Variants in MINDY2 observed in about 807,000 individuals in gnomAD.
The protein encoded by MINDY2 is ubiquitin carboxyl-terminal hydrolase MINDY-2.
Under a neutral mutation model 68.2 loss-of-function variants are expected in MINDY2, and 52 were observed. The ratio of observed to expected loss-of-function variants is 0.76; its 90% CI spans 0.61 to 0.96. The LOEUF (loss-of-function observed/expected upper bound fraction) is 0.96. Ranked by LOEUF, MINDY2 falls within the 40% of genes least tolerant of loss-of-function variation. The pLI is 0.00. For missense variants in MINDY2, 881 were observed against 773.4 expected (o/e 1.14, Z -1.65); for synonymous variants, 372 against 303.0 (o/e 1.23, Z -2.36).
chr15:58,778,829 T>C (rs1900948695), intron 1 of MINDY2, among the ~76,000 whole-genome samples: 1 of 135,564 alleles, frequency 7.4e-6, no homozygotes, highest in Non-Finnish European at 1.6e-5. Flanking sequence ...TTTTTTTTTT[T>C]TGAGACGGAA....
intron 2 of MINDY2, among the ~76,000 whole-genome samples, chr15:58,796,695 G>A (rs1902307479): frequency 6.6e-6 from 1 of 152,086 alleles, no homozygotes; most frequent in African/African-American, 2.4e-5. Flanking sequence ...GCTAATTTTT[G>A]TATTTTTCGT....
In MINDY2 at chr15:58,854,475, C is replaced by G; in HGVS notation, c.1738-7C>G. 6.2e-7 allele frequency: 1 copy of G among 1,604,342 alleles called. No individual in the cohort carries two copies. Among genetic ancestry groups the G allele is most frequent in the Non-Finnish European group, 8.5e-7 (1 of 1,176,736 alleles). ...GAGTAATTTCTTGCTGTATATTTTTCTTAAAGCAGGGCCAGCCAGCACAAG... is the reference window on the plus strand; with the variant it reads ...GAGTAATTTCTTGCTGTATATTTTTGTTAAAGCAGGGCCAGCCAGCACAAG... On this transcript the variant is annotated splice_polypyrimidine_tract_variant and splice_region_variant and intron_variant, in intron 8 of 8. Transcript: ENST00000559228.
Position 58,851,751 on chromosome 15 carries a change from G to A in MINDY2, c.1543-20G>A. On this transcript the variant is annotated intron_variant, in intron 7 of 8. Transcript: ENST00000559228. ...GGGTAAAATCTCATAGCTAATGATG[G>A]TTATAATTTAATTTATTAGGATTAT... is the stretch of plus-strand genomic sequence containing the variant. The A allele has an allele frequency of 2.0e-6, 3 of 1,525,518 alleles. No homozygotes were observed. Among genetic ancestry groups the A allele is most frequent in the Non-Finnish European group, 2.6e-6 (3 of 1,137,372 alleles). 94.5% of individuals were successfully genotyped at this position (1,525,518 alleles called of 1,614,324 possible). A position where few individuals can be genotyped will look rare whatever the true frequency, so the allele number is the denominator to read the frequency against.
intron 4 of MINDY2, among the ~76,000 whole-genome samples, chr15:58,813,931 C>CTTTTTTTTTTT (rs60131191): frequency 1.6e-5 from 2 of 126,986 alleles, no homozygotes; most frequent in African/African-American, 3.0e-5. Flanking sequence ...ACTTGCATTT[C>CTTTTTTTTTTT]TTTTTTTTTT....
chr15:58,815,750 C>T (rs909502968), intron 4 of MINDY2: 50 of 151,940 alleles, frequency 3.3e-4, no homozygotes, highest in African/African-American at 1.1e-3. Context: ...GGCGTGATCT[C>T]CTCACTGCAA....
At chr15:58,809,394 C>G (rs2030060723) in intron 3 of MINDY2, among the ~76,000 whole-genome samples, 1 of 150,062 alleles carries the variant, frequency 6.7e-6, no homozygotes, top group African/African-American at 2.4e-5. Flanking sequence ...GTTGTAGCAT[C>G]TGACAGGATT....
At position 58,771,714 on chromosome 15, in the gene MINDY2, A is replaced by G. The variant is rs374433778; in HGVS notation, c.319A>G (p.Lys107Glu). The G allele has an allele frequency of 2.5e-6, 4 of 1,612,130 alleles. No homozygotes were observed. The highest frequency in any genetic ancestry group is 2.7e-5 in the African/African-American group (2 of 74,912). The change falls in exon 1 of 9, where the codon AAG becomes GAG. Residue 107 changes from lysine to glutamate, a missense_variant. Coordinates refer to ENST00000559228, the MANE Select transcript of MINDY2 (RefSeq NM_001040450.3). ...CGAGGCGCCTCTGAGAGGGCAGTAC[A>G]AGGTGACCGCCTCCCCGGAGACAGC... ...AAEAPLRGQYKVTASPETAVA... is the reference protein window; with the variant it reads ...AAEAPLRGQYEVTASPETAVA...
At position 58,859,470 on chromosome 15, in the gene MINDY2, G is replaced by A. The variant is rs2033155589; in HGVS notation, c.*4860G>A. On this transcript the variant is annotated 3_prime_UTR_variant, in exon 9 of 9. Transcript: ENST00000559228. ...CCCTTTTAGAAAGTGACTGAAAATGGTAAAGGAACTCATCAGAATCTTAGC... is the reference window on the plus strand; with the variant it reads ...CCCTTTTAGAAAGTGACTGAAAATGATAAAGGAACTCATCAGAATCTTAGC... 6.6e-6 allele frequency: 1 copy of A among 152,150 alleles called. No homozygotes were observed. The highest frequency in any genetic ancestry group is 2.4e-5 in the African/African-American group (1 of 41,448). 9.4% of individuals were successfully genotyped at this position (152,150 alleles called of 1,614,324 possible).
chr15:58,829,548 C>A (rs1455602223), intron 5 of MINDY2, among the ~76,000 whole-genome samples: 2 of 152,280 alleles, frequency 1.3e-5, no homozygotes, highest in African/African-American at 4.8e-5. Context: ...AAGTAATGTG[C>A]TATATCTCCA....
intron 2 of MINDY2, among the ~76,000 whole-genome samples, chr15:58,790,189 C>T (rs1485733720): frequency 1.3e-5 from 2 of 152,128 alleles, no homozygotes; most frequent in African/African-American, 4.8e-5. Flanking sequence ...CTGCAAATCG[C>T]CTTAAAAAGA....
intron 3 of MINDY2, among the ~76,000 whole-genome samples, chr15:58,806,113 G>A (rs1207562452): frequency 6.6e-6 from 1 of 152,180 alleles, no homozygotes; most frequent in African/African-American, 2.4e-5. Context: ...TCCCTCTGTT[G>A]TACAGGCTGG....
At chr15:58,795,047 G>T (rs1315833622) in intron 2 of MINDY2, among the ~76,000 whole-genome samples, 4 of 151,992 alleles carry the variant, frequency 2.6e-5, no homozygotes, top group African/African-American at 9.7e-5. Flanking sequence ...GTGGTGGCGG[G>T]CGCCTGTAGT....
intron 5 of MINDY2, among the ~76,000 whole-genome samples, chr15:58,826,081 TTTTC>T (rs1448281317): frequency 2.2e-4 from 33 of 152,016 alleles, no homozygotes; most frequent in African/African-American, 6.8e-4. Context: ...TTCCTTTTCT[TTTTC>T]TTTCTTCAAC....
At chr15:58,844,538 C>T (rs547273562) in intron 6 of MINDY2, among the ~76,000 whole-genome samples, 11 of 117,214 alleles carry the variant, frequency 9.4e-5, no homozygotes, top group South Asian at 3.0e-4. Context: ...CCAGCCTGGG[C>T]GACAGAGCGA....
chr15:58,794,029 G>T (rs1157354535), intron 2 of MINDY2, among the ~76,000 whole-genome samples: 2 of 152,090 alleles, frequency 1.3e-5, no homozygotes, highest in Non-Finnish European at 2.9e-5. Flanking sequence ...AACCAGAGCT[G>T]GACTTTTGCC....
chr15:58,820,663 C>T (rs1855577871), intron 4 of MINDY2, among the ~76,000 whole-genome samples: 1 of 152,038 alleles, frequency 6.6e-6, no homozygotes, highest in African/African-American at 2.4e-5. Flanking sequence ...TCGGAATCAC[C>T]TGGGCAGTGG....
chr15:58,824,151 A>G (rs534410798), intron 5 of MINDY2, among the ~76,000 whole-genome samples: 157 of 152,352 alleles, frequency 1.0e-3, no homozygotes, highest in African/African-American at 3.5e-3. Flanking sequence ...CTACAAATAC[A>G]GTAAGGGTAG....
rs60365490 is a variant in MINDY2, at chr15:58,852,287, CAAA to C, written c.1737+338_1737+340del. On this transcript the variant is annotated intron_variant, in intron 8 of 8. Transcript: ENST00000559228. ...AGGATGATAGAGCAAGACTCCTTCT[CAAA>C]AAAAAAAAAAAAAAAGATGATCACT... 2.6e-4 allele frequency among the ~76,000 whole-genome samples: 16 copies of C among 61,932 alleles called. 2 individuals are homozygous for C. The highest frequency in any genetic ancestry group is 2.3e-3 in the Admixed American group (7 of 3,080). The allele number at this position is 61,932 out of a possible 152,430, so 40.6% of individuals were successfully genotyped here.
intron 2 of MINDY2, among the ~76,000 whole-genome samples, chr15:58,789,101 G>C (rs1444690852): frequency 6.6e-6 from 1 of 152,234 alleles, no homozygotes; most frequent in Non-Finnish European, 1.5e-5. Flanking sequence ...ACTTTGGGAG[G>C]CCGAGGCGGG....
Sources: allele counts gnomAD v4.1 joint callset (sites outside exome capture counted in the v4.1 genomes callset), GRCh38; gene constraint gnomAD v4.1.1; transcripts MANE v1.5; gene names NCBI Gene and HGNC (gene_info 2026-07-23, HGNC 2026-07-21).